FSTL5: variants seen among roughly 807,000 people sequenced by gnomAD.
FSTL5 encodes the protein follistatin-related protein 5.
Under a neutral mutation model 89.1 loss-of-function variants are expected in FSTL5, and 62 were observed. The ratio of observed to expected loss-of-function variants is 0.70; its 90% CI spans 0.57 to 0.86. The LOEUF (loss-of-function observed/expected upper bound fraction) is 0.86, where lower values mean the gene tolerates loss of function less well. FSTL5 is among the 40% of genes least tolerant of loss of function. The pLI, the probability that FSTL5 is intolerant of heterozygous loss-of-function variation, is 0.00. For missense variants in FSTL5, 1,057 were observed against 1,001.6 expected, an observed-to-expected ratio of 1.06 and a Z score of -0.75; for synonymous variants, 383 against 346.2, an observed-to-expected ratio of 1.11 and a Z score of -1.18.
intron 4 of FSTL5, among the ~76,000 whole-genome samples, chr4:161,799,888 T>G (rs528343160): frequency 5.3e-4 from 81 of 151,756 alleles, no homozygotes; most frequent in African/African-American, 1.9e-3. Flanking sequence ...ATAAGGATGT[T>G]TACAAAGAAA....
At chr4:161,744,086 T>G (rs995525389) in intron 6 of FSTL5, among the ~76,000 whole-genome samples, 4 of 151,108 alleles carry the variant, frequency 2.6e-5, no homozygotes, top group South Asian at 2.1e-4. Context: ...ACAGAAGGTG[T>G]TTTTTTTTAA....
At chr4:162,016,000 G>A (rs148955517) in intron 3 of FSTL5, among the ~76,000 whole-genome samples, 82 of 152,116 alleles carry the variant, frequency 5.4e-4, no homozygotes, top group African/African-American at 1.6e-3. Context: ...GAGAAAGGAG[G>A]GAATGTTCAT....
At chr4:161,584,247 C>T (rs1307275223) in intron 8 of FSTL5, among the ~76,000 whole-genome samples, 1 of 152,104 alleles carries the variant, frequency 6.6e-6, no homozygotes, top group Non-Finnish European at 1.5e-5. Flanking sequence ...TATTCATTTC[C>T]CTGAAGAAAC....
At chr4:161,603,140 C>T (rs187358551) in intron 7 of FSTL5, among the ~76,000 whole-genome samples, 4 of 152,182 alleles carry the variant, frequency 2.6e-5, no homozygotes, top group Admixed American at 6.5e-5. Flanking sequence ...TCATGTGGAA[C>T]AGTATATGAC....
At chr4:162,117,583 C>G (rs1047391365) in intron 1 of FSTL5, among the ~76,000 whole-genome samples, 3 of 151,818 alleles carry the variant, frequency 2.0e-5, no homozygotes, top group African/African-American at 7.3e-5. Flanking sequence ...CAGGTTTAGT[C>G]GAAACACATT....
intron 4 of FSTL5, among the ~76,000 whole-genome samples, chr4:161,785,667 A>T (rs560252156): frequency 6.6e-6 from 1 of 152,292 alleles, no homozygotes; most frequent in African/African-American, 2.4e-5. Context: ...GTTTGGACTA[A>T]ACCCAGAAAT....
chr4:161,815,935 C>T (rs372099296), intron 4 of FSTL5, among the ~76,000 whole-genome samples: 17 of 152,170 alleles, frequency 1.1e-4, no homozygotes, highest in African/African-American at 4.1e-4. Flanking sequence ...CTTTGCCTCA[C>T]CAAAATTTAA....
intron 4 of FSTL5, among the ~76,000 whole-genome samples, chr4:161,836,931 G>A (rs888703204): frequency 2.6e-5 from 4 of 152,084 alleles, no homozygotes; most frequent in African/African-American, 9.7e-5. Context: ...AAAAGAGGAA[G>A]AATAGTTTTG....
chr4:161,751,468 G>T lies in FSTL5; in HGVS notation c.727+7943C>A, dbSNP rs915473405. Among the ~76,000 whole-genome samples, 11 of 152,198 alleles carry T rather than the reference G, an allele frequency of 7.2e-5. No homozygotes were observed. In the South Asian group the frequency reaches 2.3e-3, roughly 32 times the overall value. ...GTGGTATTTCCCAAAATAGCCAGGG[G>T]ATAGCTATGAACTCTAACATAAAAT... On this transcript the variant is annotated intron_variant, in intron 6 of 15. Transcript: ENST00000306100.
chr4:161,648,127 C>T (rs1007091695), intron 7 of FSTL5, among the ~76,000 whole-genome samples: 1 of 152,094 alleles, frequency 6.6e-6, no homozygotes. Context: ...ATGTGTGATC[C>T]GATTCTTCCG....
At chr4:161,726,471 G>A (rs1049327804) in intron 6 of FSTL5, among the ~76,000 whole-genome samples, 9 of 151,636 alleles carry the variant, frequency 5.9e-5, no homozygotes, top group Non-Finnish European at 1.0e-4. Context: ...CAAGTGGTCC[G>A]CCCACCTCGG....
intron 3 of FSTL5, among the ~76,000 whole-genome samples, chr4:162,027,339 C>T (rs987760678): frequency 6.6e-6 from 1 of 151,892 alleles, no homozygotes; most frequent in Non-Finnish European, 1.5e-5. Flanking sequence ...ACTTAATTTT[C>T]TTTTATAGAA....
rs547721249 is a variant in FSTL5, at chr4:161,628,620, T to C, written c.894+27708A>G. Among the ~76,000 whole-genome samples the C allele has an allele frequency of 1.8e-4, 27 of 152,342 alleles. No homozygotes were observed. In the South Asian group the frequency reaches 5.0e-3, roughly 28 times the overall value. The stretch of plus-strand genomic sequence containing the variant: ...CCAAAAAGGACATCTGAGATCACGT[T>C]AGCCCGTTAAGTGTAACATTAAATC... On this transcript the variant is annotated intron_variant, in intron 7 of 15. Coordinates refer to ENST00000306100, the MANE Select transcript of FSTL5 (RefSeq NM_020116.5).
At chr4:161,944,729 C>T (rs1013071632) in intron 3 of FSTL5, among the ~76,000 whole-genome samples, 2 of 151,702 alleles carry the variant, frequency 1.3e-5, no homozygotes, top group Non-Finnish European at 2.9e-5. Context: ...CAAAATAATA[C>T]CTCTTAAGGT....
At chr4:161,576,968 A>G (rs1231766086) in intron 8 of FSTL5, among the ~76,000 whole-genome samples, 3 of 152,192 alleles carry the variant, frequency 2.0e-5, no homozygotes, top group African/African-American at 7.2e-5. Context: ...CATAGTGACA[A>G]AATTAACATT....
chr4:161,678,535 A>C (rs1737402233), intron 6 of FSTL5, among the ~76,000 whole-genome samples: 1 of 151,870 alleles, frequency 6.6e-6, no homozygotes, highest in Non-Finnish European at 1.5e-5. Flanking sequence ...GTCAAGTTGG[A>C]TTTCAGATGG....
At chr4:162,005,470 A>T (rs1401292962) in intron 3 of FSTL5, among the ~76,000 whole-genome samples, 1 of 152,144 alleles carries the variant, frequency 6.6e-6, no homozygotes, top group African/African-American at 2.4e-5. Flanking sequence ...GGTAAAGAAA[A>T]CCATGTGGTT....
chr4:161,832,398 A>T (rs1005595218), intron 4 of FSTL5, among the ~76,000 whole-genome samples: 1 of 152,158 alleles, frequency 6.6e-6, no homozygotes, highest in African/African-American at 2.4e-5. Context: ...GCCTCACAAA[A>T]TGAGTTAGGG....
chr4:162,040,909 A>G (rs1171278025), intron 2 of FSTL5, among the ~76,000 whole-genome samples: 1 of 151,942 alleles, frequency 6.6e-6, no homozygotes, highest in Non-Finnish European at 1.5e-5. Context: ...TGTATCTTCC[A>G]TGAAGAAAAC....
Sources: gnomAD v4.1 joint callset for allele counts (sites outside exome capture counted in the v4.1 genomes callset) on GRCh38, gnomAD v4.1.1 for gene constraint, MANE v1.5 for transcripts, NCBI Gene and HGNC (gene_info 2026-07-23, HGNC 2026-07-21) for gene names.